GALNT13: variants seen among roughly 807,000 people sequenced by gnomAD.
GALNT13 encodes the protein polypeptide N-acetylgalactosaminyltransferase 13.
A neutral mutation model predicts 64.2 loss-of-function variants in GALNT13; 28 were observed. The observed-to-expected ratio is 0.44, with a 90% CI of 0.32 to 0.60. The LOEUF is 0.60. Ranked by LOEUF, GALNT13 falls within the 20% of genes least tolerant of loss-of-function variation. The pLI is 0.05. For synonymous variants in GALNT13, 214 were observed against 224.6 expected, an observed-to-expected ratio of 0.95 and a Z score of 0.42; for missense variants, 577 against 669.8, an observed-to-expected ratio of 0.86 and a Z score of 1.53.
chr2:154,029,668 A>C (rs983993895), intron 3 of GALNT13, among the ~76,000 whole-genome samples: 3 of 152,206 alleles, frequency 2.0e-5, no homozygotes, highest in African/African-American at 7.2e-5. Flanking sequence ...CAAGACGTGT[A>C]CAATGGCAAG....
intron 4 of GALNT13, among the ~76,000 whole-genome samples, chr2:154,143,321 A>G (rs979033237): frequency 3.3e-5 from 5 of 152,128 alleles, no homozygotes; most frequent in African/African-American, 9.7e-5. Context: ...CTGGGTTCCT[A>G]TAACAGGCCA....
chr2:153,997,810 C>T (rs2105210394), intron 3 of GALNT13, among the ~76,000 whole-genome samples: 1 of 152,248 alleles, frequency 6.6e-6, no homozygotes, highest in East Asian at 1.9e-4. Context: ...GAGCCCCCGA[C>T]AGACCCTGGT....
At chr2:153,862,324 C>G in the GALNT13 span, among the ~76,000 whole-genome samples, 1 of 150,674 alleles carries the variant, frequency 6.6e-6, no homozygotes, top group Non-Finnish European at 1.5e-5. Context: ...TTTCATGTAT[C>G]TTGGAGCAAA....
chr2:153,510,548 C>T, the GALNT13 span, among the ~76,000 whole-genome samples: 4 of 152,128 alleles, frequency 2.6e-5, no homozygotes, highest in African/African-American at 9.6e-5. Flanking sequence ...GCAGACACAC[C>T]AACGTTGCCA....
the GALNT13 span, among the ~76,000 whole-genome samples, chr2:153,223,527 T>A: frequency 8.5e-5 from 13 of 152,280 alleles, no homozygotes; most frequent in African/African-American, 3.1e-4. Context: ...TGAACATTTT[T>A]AAAAAACTGG....
At chr2:153,583,110 A>G in the GALNT13 span, among the ~76,000 whole-genome samples, 1 of 152,224 alleles carries the variant, frequency 6.6e-6, no homozygotes, top group Non-Finnish European at 1.5e-5. Flanking sequence ...GGAGGTGTGC[A>G]TGATAATCCA....
chr2:153,816,229 G>A, the GALNT13 span, among the ~76,000 whole-genome samples: 7 of 152,310 alleles, frequency 4.6e-5, no homozygotes, highest in Middle Eastern at 3.4e-3. Flanking sequence ...AGAGCCATCC[G>A]AATCTGAGGT....
At chr2:153,245,188 G>A in the GALNT13 span, among the ~76,000 whole-genome samples, 1 of 152,252 alleles carries the variant, frequency 6.6e-6, no homozygotes, top group Admixed American at 6.5e-5. Flanking sequence ...GACAGCTGTG[G>A]GCACAGCTTC....
At chr2:153,810,519 G>C in the GALNT13 span, among the ~76,000 whole-genome samples, 5 of 151,876 alleles carry the variant, frequency 3.3e-5, no homozygotes, top group Admixed American at 6.6e-5. Context: ...TTATTTTCTT[G>C]CTTATACATT....
the GALNT13 span, among the ~76,000 whole-genome samples, chr2:153,789,760 A>AC: frequency 6.6e-6 from 1 of 152,044 alleles, no homozygotes. Flanking sequence ...TTTACCACTA[A>AC]CCCCCCAGAA....
chr2:153,920,920 A>G (rs1245785992), intron 2 of GALNT13, among the ~76,000 whole-genome samples: 5 of 152,200 alleles, frequency 3.3e-5, no homozygotes, highest in Admixed American at 3.3e-4. Context: ...CAAAACCACC[A>G]TGAGATACCA....
the GALNT13 span, among the ~76,000 whole-genome samples, chr2:153,221,026 C>A: frequency 1.3e-5 from 2 of 152,110 alleles, no homozygotes; most frequent in African/African-American, 4.8e-5. Context: ...GGAAATGTAA[C>A]TAATAAGTCC....
chr2:153,800,086 A>AC, the GALNT13 span, among the ~76,000 whole-genome samples: 1 of 84,246 alleles, frequency 1.2e-5, no homozygotes, highest in Non-Finnish European at 2.7e-5. Flanking sequence ...CTCTCTCTCC[A>AC]CCCCCCACCA....
At chr2:153,661,031 A>G in the GALNT13 span, among the ~76,000 whole-genome samples, 2 of 152,144 alleles carry the variant, frequency 1.3e-5, no homozygotes, top group East Asian at 1.9e-4. Context: ...TAAATAGGGG[A>G]AAAATTGTTG....
chr2:153,989,203 G>A (rs1695005916), intron 3 of GALNT13, among the ~76,000 whole-genome samples: 1 of 151,928 alleles, frequency 6.6e-6, no homozygotes, highest in Non-Finnish European at 1.5e-5. Flanking sequence ...TGTTAAACAT[G>A]CATTAACTTA....
At chr2:153,971,887 T>A (rs114881367) in intron 3 of GALNT13, among the ~76,000 whole-genome samples, 1 of 152,050 alleles carries the variant, frequency 6.6e-6, no homozygotes, top group African/African-American at 2.4e-5. Context: ...TCTTCTCAGA[T>A]GTAATTAGTC....
chr2:153,655,402 GA>G, the GALNT13 span, among the ~76,000 whole-genome samples: 1 of 152,030 alleles, frequency 6.6e-6, no homozygotes, highest in African/African-American at 2.4e-5. Context: ...TAGTATCCCT[GA>G]CAACCACTTT....
chr2:153,932,917 T>G (rs975387604), intron 2 of GALNT13, among the ~76,000 whole-genome samples: 3 of 152,146 alleles, frequency 2.0e-5, no homozygotes, highest in African/African-American at 7.2e-5. Context: ...CATGAGCCAC[T>G]GTGCCTGGCC....
At chr2:153,493,920 A>T in the GALNT13 span, among the ~76,000 whole-genome samples, 3 of 151,984 alleles carry the variant, frequency 2.0e-5, no homozygotes, top group African/African-American at 2.4e-5. Flanking sequence ...AAATTTATTT[A>T]AAAATGAGGT....
Sources: gnomAD v4.1 joint callset for allele counts (sites outside exome capture counted in the v4.1 genomes callset) on GRCh38, gnomAD v4.1.1 for gene constraint, MANE v1.5 for transcripts, NCBI Gene and HGNC (gene_info 2026-07-23, HGNC 2026-07-21) for gene names.